The following DAB1 variants were observed in gnomAD, a reference collection of about 807,000 sequenced individuals.
DAB1 encodes DAB adaptor protein 1, also known as disabled homolog 1.
Under a neutral mutation model 64.6 loss-of-function variants are expected in DAB1, and 15 were observed. The observed-to-expected ratio is 0.23, with a 90% CI of 0.16 to 0.36. DAB1 has a LOEUF of 0.36. Ranked by LOEUF, DAB1 falls within the 10% of genes least tolerant of loss-of-function variation. DAB1 has a pLI of 1.00. For missense variants in DAB1, 596 were observed against 706.7 expected, an observed-to-expected ratio of 0.84 and a Z score of 1.78; for synonymous variants, 235 against 251.9, an observed-to-expected ratio of 0.93 and a Z score of 0.64.
chr1:57,557,513 T>C (rs1323740949), intron 7 of DAB1, among the ~76,000 whole-genome samples: 2 of 152,086 alleles, frequency 1.3e-5, no homozygotes. Context: ...TAGAAAACCC[T>C]GACTAATACA....
chr1:57,560,792 G>A (rs531921166), intron 7 of DAB1, among the ~76,000 whole-genome samples: 2 of 152,292 alleles, frequency 1.3e-5, no homozygotes, highest in African/African-American at 4.8e-5. Context: ...GCCCCCATAG[G>A]TGAATCACAG....
intron 1 of DAB1, among the ~76,000 whole-genome samples, chr1:57,831,019 T>G (rs911375170): frequency 6.6e-6 from 1 of 152,130 alleles, no homozygotes; most frequent in African/African-American, 2.4e-5. Context: ...GTTCACACCA[T>G]TCTCCTGCCT....
chr1:57,771,811 C>G (rs1649575575), intron 6 of DAB1, among the ~76,000 whole-genome samples: 1 of 152,054 alleles, frequency 6.6e-6, no homozygotes, highest in East Asian at 1.9e-4. Context: ...TTTGTTTTCT[C>G]CACTCTAGAA....
intron 6 of DAB1, among the ~76,000 whole-genome samples, chr1:57,789,328 A>G (rs1039124298): frequency 6.6e-6 from 1 of 152,158 alleles, no homozygotes; most frequent in African/African-American, 2.4e-5. Flanking sequence ...GAGAGATGGT[A>G]GGAAACAGAG....
At chr1:57,986,404 T>A (rs1646219689) in intron 5 of DAB1, among the ~76,000 whole-genome samples, 1 of 152,198 alleles carries the variant, frequency 6.6e-6, no homozygotes, top group South Asian at 2.1e-4. Flanking sequence ...ATGTGCCATC[T>A]ATGAGCCAGA....
At chr1:57,370,191 C>T (rs1023369052) in intron 1 of DAB1, among the ~76,000 whole-genome samples, 3 of 152,254 alleles carry the variant, frequency 2.0e-5, no homozygotes, top group Admixed American at 6.5e-5. Context: ...CTGAGGGCAG[C>T]GGCCATGTAT....
intron 9 of DAB1, 128 bp from the exon 10 acceptor site, chr1:57,026,171 T>C: frequency 1.5e-6 from 1 of 680,842 alleles, no homozygotes. Flanking sequence ...ACCGTAATCC[T>C]GATGGGTCAT....
chr1:57,467,553 C>T (rs1285779222), intron 7 of DAB1, among the ~76,000 whole-genome samples: 2 of 152,064 alleles, frequency 1.3e-5, no homozygotes, highest in Non-Finnish European at 2.9e-5. Flanking sequence ...TTTCATCAAC[C>T]CTAAAACACT....
intron 7 of DAB1, among the ~76,000 whole-genome samples, chr1:57,436,459 G>A (rs1198336480): frequency 6.6e-6 from 1 of 152,104 alleles, no homozygotes; most frequent in Non-Finnish European, 1.5e-5. Context: ...AGACAAAGTG[G>A]GGCAGCTAAC....
At chr1:57,228,979 G>A (rs192609995) in intron 2 of DAB1, among the ~76,000 whole-genome samples, 12 of 152,234 alleles carry the variant, frequency 7.9e-5, no homozygotes, top group Middle Eastern at 6.8e-3. Context: ...AAAGTAGAAA[G>A]ATATGTCTAT....
chr1:57,255,383 C>T (rs141328642), intron 2 of DAB1, among the ~76,000 whole-genome samples: 23 of 152,186 alleles, frequency 1.5e-4, no homozygotes, highest in Admixed American at 7.9e-4. Flanking sequence ...CAAAACAGGC[C>T]AGGTGAGGTG....
chr1:57,078,054 A>C (rs1300411775), intron 4 of DAB1, among the ~76,000 whole-genome samples: 1 of 152,184 alleles, frequency 6.6e-6, no homozygotes, highest in African/African-American at 2.4e-5. Flanking sequence ...GGCTCATTAC[A>C]AAGGCCTTTC....
At chr1:57,395,497 C>T (rs552021989) in intron 1 of DAB1, among the ~76,000 whole-genome samples, 1 of 152,176 alleles carries the variant, frequency 6.6e-6, no homozygotes, top group Non-Finnish European at 1.5e-5. Flanking sequence ...GCCACTACCA[C>T]AAGCCAAGAA....
At chr1:58,471,976 T>C (rs112319001) in intron 3 of DAB1, among the ~76,000 whole-genome samples, 3 of 152,340 alleles carry the variant, frequency 2.0e-5, no homozygotes, top group African/African-American at 7.2e-5. Context: ...AACAGCATTA[T>C]AGTGAGTGCA....
At chr1:57,549,918 C>G (rs1049879184) in intron 7 of DAB1, among the ~76,000 whole-genome samples, 9 of 152,100 alleles carry the variant, frequency 5.9e-5, no homozygotes, top group African/African-American at 1.9e-4. Flanking sequence ...GTTCTACAGG[C>G]ATTAGGAGGT....
chr1:58,119,115 G>A (rs539586955), intron 5 of DAB1, among the ~76,000 whole-genome samples: 2 of 152,246 alleles, frequency 1.3e-5, no homozygotes, highest in East Asian at 1.9e-4. Flanking sequence ...CTCAATCTAT[G>A]TGAACTACTA....
chr1:57,827,746 G>A (rs985047154), intron 1 of DAB1, among the ~76,000 whole-genome samples: 2 of 152,002 alleles, frequency 1.3e-5, no homozygotes, highest in Admixed American at 6.5e-5. Flanking sequence ...ACTTCCTTCC[G>A]TACTCCCTTT....
At chr1:57,594,139 C>G (rs985149096) in intron 7 of DAB1, among the ~76,000 whole-genome samples, 1 of 152,160 alleles carries the variant, frequency 6.6e-6, no homozygotes, top group Admixed American at 6.5e-5. Flanking sequence ...ACTGACTTCC[C>G]CTTACATGGA....
At chr1:57,382,851 C>T (rs980520224) in intron 1 of DAB1, among the ~76,000 whole-genome samples, 18 of 152,010 alleles carry the variant, frequency 1.2e-4, no homozygotes, top group Non-Finnish European at 1.9e-4. Flanking sequence ...TCATAGGTTC[C>T]GAGGATTAGG....
Sources: allele counts gnomAD v4.1 joint callset (sites outside exome capture counted in the v4.1 genomes callset), GRCh38; gene constraint gnomAD v4.1.1; transcripts MANE v1.5; gene names NCBI Gene and HGNC (gene_info 2026-07-23, HGNC 2026-07-21).